The following PRRC2B variants were observed in gnomAD, a reference collection of about 807,000 sequenced individuals.
PRRC2B encodes the protein protein PRRC2B.
PRRC2B carries 68 observed loss-of-function variants against 242.3 expected under a neutral mutation model. That is an observed-to-expected ratio of 0.28 (90% CI 0.23 to 0.34). The LOEUF is 0.34. Among genes scored for constraint, PRRC2B ranks in the 10% least tolerant of loss-of-function variants. The pLI, the probability that PRRC2B is intolerant of heterozygous loss-of-function variation, is 1.00. For synonymous variants in PRRC2B, 1,228 were observed against 1,173.6 expected (o/e 1.05, Z -0.95); for missense variants, 2,835 against 2,954.8 (o/e 0.96, Z 0.94).
At chr9:131,441,937 A>G (rs1052105496) in intron 5 of PRRC2B, among the ~76,000 whole-genome samples, 3 of 151,702 alleles carry the variant, frequency 2.0e-5, no homozygotes, top group Non-Finnish European at 2.9e-5. Context: ...GGTGAACATC[A>G]TAAAACATTG....
Position 131,394,270 on chromosome 9 carries a change from C to T in PRRC2B, c.-52+7C>T, listed in dbSNP as rs1836976326. 6.8e-6 allele frequency: 1 copy of T among 146,536 alleles called. No individual in the cohort carries two copies. Among genetic ancestry groups the T allele is most frequent in the Non-Finnish European group, 1.5e-5 (1 of 65,714 alleles). The allele number at this position is 146,536 out of a possible 1,614,324, so 9.1% of individuals were successfully genotyped here. A position where few individuals can be genotyped will look rare whatever the true frequency, so the allele number is the denominator to read the frequency against. On this transcript the variant is annotated splice_region_variant and intron_variant, in intron 1 of 31. Coordinates refer to ENST00000683519, the MANE Select transcript of PRRC2B (RefSeq NM_013318.4). ...GCCCGCGGAACCAGACCAGGTGGGTCGGGGCCGGGGCCGGGGCCGGGGCGT... is the reference window on the plus strand; with the variant it reads ...GCCCGCGGAACCAGACCAGGTGGGTTGGGGCCGGGGCCGGGGCCGGGGCGT...
chr9:131,410,169 A>G (rs1386391950), intron 1 of PRRC2B, among the ~76,000 whole-genome samples: 2 of 152,162 alleles, frequency 1.3e-5, no homozygotes, highest in African/African-American at 2.4e-5. Context: ...GTAGGCAGGA[A>G]CTTGGAGACC....
chr9:131,395,377 A>T (rs1456073381), intron 1 of PRRC2B, among the ~76,000 whole-genome samples: 1 of 151,938 alleles, frequency 6.6e-6, no homozygotes, highest in Non-Finnish European at 1.5e-5. Flanking sequence ...GTTTTTCCGA[A>T]TCTCGCTGCA....
intron 1 of PRRC2B, among the ~76,000 whole-genome samples, chr9:131,426,190 T>C (rs1231369888): frequency 6.6e-6 from 1 of 151,450 alleles, no homozygotes; most frequent in Non-Finnish European, 1.5e-5. Context: ...ATACAAAAAT[T>C]AGCCAGGTTT....
At chr9:131,462,796 C>G (rs1159085118) in intron 11 of PRRC2B, among the ~76,000 whole-genome samples, 1 of 139,632 alleles carries the variant, frequency 7.2e-6, no homozygotes, top group East Asian at 2.1e-4. Context: ...CGAGATCATG[C>G]CACTGCACTC....
At position 131,433,163 on chromosome 9, in the gene PRRC2B, G is replaced by A. The variant is rs138425401; in HGVS notation, c.293+369G>A. On this transcript the variant is annotated intron_variant, in intron 3 of 31. Coordinates refer to ENST00000683519, the MANE Select transcript of PRRC2B (RefSeq NM_013318.4). ...AAGAAACACTGTGGACAGAGCTGGG[G>A]CTTGAGGACTTCATTCCTGGTGATG... 2.6e-3 allele frequency among the ~76,000 whole-genome samples: 390 copies of A among 152,326 alleles called. 2 individuals are homozygous for A. Among genetic ancestry groups the A allele is most frequent in the Non-Finnish European group, 4.2e-3 (284 of 68,034 alleles).
chr9:131,443,139 AT>A (rs11289365), intron 5 of PRRC2B, among the ~76,000 whole-genome samples: 112,397 of 142,434 alleles, frequency 0.79, 44,905 homozygotes, highest in East Asian at 0.93. Context: ...TTATTTTATT[AT>A]TTTTTTTTTT....
chr9:131,486,188 A>G lies in PRRC2B; in HGVS notation c.5856+6A>G, dbSNP rs201131797. 3.5e-5 allele frequency: 56 copies of G among 1,602,504 alleles called. 1 individual carries two copies. Among genetic ancestry groups the G allele is most frequent in the Non-Finnish European group, 4.5e-5 (53 of 1,171,638 alleles). Reference sequence around the variant, plus strand: ...AGCAGCAGAGTTACCAACAGGTGACAGCAGCTAGCCAGGTGGCCTGGCTGG... The same window carrying G: ...AGCAGCAGAGTTACCAACAGGTGACGGCAGCTAGCCAGGTGGCCTGGCTGG... On this transcript the variant is annotated splice_donor_region_variant and intron_variant, in intron 26 of 31. Transcript: ENST00000683519.
chr9:131,481,267 C>T (rs1207472386), intron 19 of PRRC2B, among the ~76,000 whole-genome samples: 1 of 139,012 alleles, frequency 7.2e-6, no homozygotes, highest in African/African-American at 2.8e-5. Context: ...GTGGAGATCG[C>T]GCCACTGCAC....
chr9:131,465,225 G>T (rs1188641937), intron 12 of PRRC2B, 147 bp downstream of exon 12: 1 of 806,854 alleles, frequency 1.2e-6, no homozygotes, highest in Non-Finnish European at 1.9e-6. Context: ...AAGAGCATAG[G>T]CCTGGGTCAA....
At chr9:131,480,861 C>T (rs1943840028) in intron 19 of PRRC2B, among the ~76,000 whole-genome samples, 1 of 152,074 alleles carries the variant, frequency 6.6e-6, no homozygotes, top group Non-Finnish European at 1.5e-5. Context: ...TGGGATCTTT[C>T]AAAGACTCTG....
At chr9:131,471,803 TA>T (rs1456839001) in intron 14 of PRRC2B, among the ~76,000 whole-genome samples, 1 of 152,270 alleles carries the variant, frequency 6.6e-6, no homozygotes, top group Non-Finnish European at 1.5e-5. Flanking sequence ...TTTAACATTC[TA>T]CATTTGCCTG....
intron 20 of PRRC2B, 89 bp downstream of exon 20, chr9:131,481,897 C>G: frequency 8.4e-7 from 1 of 1,184,164 alleles, no homozygotes; most frequent in Non-Finnish European, 1.2e-6. Flanking sequence ...CTGTGGCCCA[C>G]CCAAGCCCCT....
chr9:131,484,908 A>G, intron 24 of PRRC2B, 40 bp from the exon 25 acceptor site: 1 of 1,589,616 alleles, frequency 6.3e-7, no homozygotes, highest in Non-Finnish European at 8.6e-7. Context: ...TGCCAGCGTG[A>G]TAGTAATTTT....
rs1480967220 is a variant in PRRC2B, at chr9:131,487,103, G to A, written c.5857-64G>A. 16 of 1,515,652 alleles carry A rather than the reference G, an allele frequency of 1.1e-5. No homozygotes were observed. The highest frequency in any genetic ancestry group is 1.5e-5 in the Non-Finnish European group (16 of 1,098,850). The allele number at this position is 1,515,652 out of a possible 1,614,324, so 93.9% of individuals were successfully genotyped here. A position where few individuals can be genotyped will look rare whatever the true frequency, so the allele number is the denominator to read the frequency against. On this transcript the variant is annotated intron_variant, in intron 26 of 31. Transcript: ENST00000683519. The surrounding 1 kb of genome is among the most constrained non-coding windows in gnomAD (Gnocchi z 5.3). ...ATGTGGAGAGGGGCAGGGGAGGTGG[G>A]AGGGGAAGAACCACCTGGATGGGCC...
chr9:131,494,918 T>C lies in PRRC2B; in HGVS notation c.6555+432T>C, dbSNP rs1258823124. Reference sequence around the variant, plus strand: ...GAAATTAAGTTTTCCCATTTTATAATGAAAAGGACATCGCAGTGTCTTTTC... The same window carrying C: ...GAAATTAAGTTTTCCCATTTTATAACGAAAAGGACATCGCAGTGTCTTTTC... On this transcript the variant is annotated intron_variant, in intron 31 of 31. Transcript: ENST00000683519. This position sits in a 1 kb window ranked among gnomAD's most constrained non-coding sequence, Gnocchi z 4.3. 6.6e-6 allele frequency among the ~76,000 whole-genome samples: 1 copy of C among 152,198 alleles called. No homozygotes were observed. Among genetic ancestry groups the C allele is most frequent in the African/African-American group, 2.4e-5 (1 of 41,454 alleles).
At chr9:131,417,742 T>C (rs1023558614) in intron 1 of PRRC2B, among the ~76,000 whole-genome samples, 3 of 152,144 alleles carry the variant, frequency 2.0e-5, no homozygotes, top group Non-Finnish European at 1.5e-5. Flanking sequence ...GTATTCTAAA[T>C]AGTGTGTCTG....
At chr9:131,403,130 G>C (rs1837269172) in intron 1 of PRRC2B, among the ~76,000 whole-genome samples, 1 of 152,158 alleles carries the variant, frequency 6.6e-6, no homozygotes, top group Non-Finnish European at 1.5e-5. Context: ...GAACAGCTGT[G>C]TTCCAGGCCA....
intron 28 of PRRC2B, chr9:131,490,752 A>G (rs1944168666): frequency 1.3e-5 from 5 of 372,846 alleles, no homozygotes; most frequent in South Asian, 9.8e-5. Context: ...TGTTTTTACC[A>G]CCACTTGATG....
Sources: allele counts gnomAD v4.1 joint callset (sites outside exome capture counted in the v4.1 genomes callset), GRCh38; gene constraint gnomAD v4.1.1; non-coding constraint Gnocchi (gnomAD v3.1); transcripts MANE v1.5; gene names NCBI Gene and HGNC (gene_info 2026-07-23, HGNC 2026-07-21).